ATP10D: variants seen among roughly 807,000 people sequenced by gnomAD.
ATP10D encodes phospholipid-transporting ATPase VD.
A neutral mutation model predicts 144.8 loss-of-function variants in ATP10D; 89 were observed. The ratio of observed to expected loss-of-function variants is 0.61; its 90% CI spans 0.52 to 0.73. The LOEUF (loss-of-function observed/expected upper bound fraction) is 0.73, where lower values mean the gene tolerates loss of function less well. ATP10D is among the 30% of genes least tolerant of loss of function. The probability of loss-of-function intolerance (pLI) is 0.00; values close to 1 mark genes in which losing one functional copy is unlikely to be tolerated. For missense variants in ATP10D, 1,603 were observed against 1,714.8 expected (o/e 0.93, Z 1.15); for synonymous variants, 571 against 615.1 (o/e 0.93, Z 1.06).
chr4:47,550,763 G>A (rs924828317), intron 10 of ATP10D, among the ~76,000 whole-genome samples: 1 of 152,234 alleles, frequency 6.6e-6, no homozygotes, highest in Non-Finnish European at 1.5e-5. Flanking sequence ...ACAATGGCAA[G>A]TGGCAATGGG....
chr4:47,549,304 T>G (rs1000393318), intron 10 of ATP10D, among the ~76,000 whole-genome samples: 10 of 152,224 alleles, frequency 6.6e-5, no homozygotes, highest in African/African-American at 1.9e-4. Flanking sequence ...CAGTGAAGCT[T>G]TCTCTGTCAC....
At chr4:47,572,816 C>T (rs2109464879) in intron 17 of ATP10D, 56 bp from the exon 18 acceptor site, 1 of 1,609,684 alleles carries the variant, frequency 6.2e-7, no homozygotes, top group Non-Finnish European at 8.5e-7. Context: ...TGTGCTGTGT[C>T]TGTTCTAACA....
chr4:47,530,232 T>A (rs750420224), intron 5 of ATP10D, among the ~76,000 whole-genome samples: 28 of 152,058 alleles, frequency 1.8e-4, no homozygotes, highest in Non-Finnish European at 3.8e-4. Context: ...GGAACAACGG[T>A]TATTAGGGGG....
chr4:47,527,810 A>C (rs142266168), intron 5 of ATP10D, among the ~76,000 whole-genome samples: 5 of 152,294 alleles, frequency 3.3e-5, no homozygotes, highest in Non-Finnish European at 7.4e-5. Context: ...TAGTACAACC[A>C]CTTTGGAAAA....
intron 16 of ATP10D, among the ~76,000 whole-genome samples, chr4:47,569,506 T>C (rs994649144): frequency 7.2e-5 from 11 of 152,218 alleles, no homozygotes; most frequent in African/African-American, 2.7e-4. Flanking sequence ...GAGAATTCAT[T>C]TCTTTATCCA....
At chr4:47,493,060 A>G (rs965148989) in intron 1 of ATP10D, among the ~76,000 whole-genome samples, 1 of 152,112 alleles carries the variant, frequency 6.6e-6, no homozygotes, top group Non-Finnish European at 1.5e-5. Context: ...CCTATTCATT[A>G]TTCTTTTTAT....
intron 1 of ATP10D, among the ~76,000 whole-genome samples, chr4:47,504,108 G>T (rs1362039100): frequency 6.6e-6 from 1 of 151,970 alleles, no homozygotes; most frequent in Admixed American, 6.5e-5. Context: ...CAGCAAATCT[G>T]ATTCATTCCA....
chr4:47,520,759 G>A (rs1417884745), intron 3 of ATP10D, among the ~76,000 whole-genome samples: 3 of 152,086 alleles, frequency 2.0e-5, no homozygotes, highest in African/African-American at 4.8e-5. Flanking sequence ...AGTAGAGACA[G>A]GGTTTCACCA....
intron 1 of ATP10D, among the ~76,000 whole-genome samples, chr4:47,510,731 G>T (rs1467698438): frequency 6.6e-6 from 1 of 152,178 alleles, no homozygotes; most frequent in Non-Finnish European, 1.5e-5. Flanking sequence ...GGACTCTCAA[G>T]AAATTGTATT....
intron 5 of ATP10D, among the ~76,000 whole-genome samples, chr4:47,528,499 GTGTGTGTGTGTGTGTATATATA>G (rs1358150878): frequency 3.2e-4 from 19 of 59,552 alleles, no homozygotes; most frequent in African/African-American, 1.3e-3. Context: ...GTGTGTGTGT[GTGTGTGTGTGTGTGTATATATA>G]TATATATACA....
Position 47,572,861 on chromosome 4 carries a change from T to C in ATP10D, c.3241-11T>C. The stretch of plus-strand genomic sequence containing the variant: ...ACTCAGGATGGCATTCTCTCCCCAT[T>C]GCATCTGCAGGCTGTGATGGCCAGT... On this transcript the variant is annotated splice_polypyrimidine_tract_variant and intron_variant, in intron 17 of 22. Coordinates refer to ENST00000273859, the MANE Select transcript of ATP10D (RefSeq NM_020453.4). The C allele has an allele frequency of 6.2e-7, 1 of 1,614,134 alleles. No individual in the cohort carries two copies. Among genetic ancestry groups the C allele is most frequent in the Non-Finnish European group, 8.5e-7 (1 of 1,179,996 alleles).
Position 47,587,138 on chromosome 4 carries a change from G to A in ATP10D, c.3873G>A (p.Gln1291=). Residue 1291 remains glutamine (Q), a synonymous_variant, in exon 22 of 23, where the codon CAG becomes CAA. Transcript: ENST00000273859. ...NPPSNPYWIM[Q]EHMLDPVFYL... ...CATCCAACCCTTACTGGATTATGCA[G>A]GAGCACATGCTGGATCCAGTATTCT... 3 of 1,614,082 alleles carry A rather than the reference G, an allele frequency of 1.9e-6. No homozygotes were observed. Among genetic ancestry groups the A allele is most frequent in the Admixed American group, 3.3e-5 (2 of 60,022 alleles).
chr4:47,499,051 AACT>A (rs1715548150), intron 1 of ATP10D, among the ~76,000 whole-genome samples: 1 of 152,134 alleles, frequency 6.6e-6, no homozygotes, highest in Admixed American at 6.6e-5. Flanking sequence ...TTTGAAACTT[AACT>A]GTTTATCTCT....
At chr4:47,570,948 A>G (rs746601773) in intron 16 of ATP10D, among the ~76,000 whole-genome samples, 10 of 152,300 alleles carry the variant, frequency 6.6e-5, no homozygotes, top group Non-Finnish European at 1.3e-4. Flanking sequence ...AGGACTTGGC[A>G]TATCAGCTCT....
intron 9 of ATP10D, among the ~76,000 whole-genome samples, chr4:47,546,126 A>G (rs1464036970): frequency 6.6e-6 from 1 of 152,254 alleles, no homozygotes; most frequent in Non-Finnish European, 1.5e-5. Context: ...TTCACATAAG[A>G]TAAGGATGGA....
intron 19 of ATP10D, among the ~76,000 whole-genome samples, chr4:47,577,858 C>T (rs537918767): frequency 6.6e-6 from 1 of 152,292 alleles, no homozygotes; most frequent in East Asian, 1.9e-4. Context: ...AAAGTTCAAG[C>T]CAGGATGCAA....
At chr4:47,507,747 C>A (rs1716097872) in intron 1 of ATP10D, among the ~76,000 whole-genome samples, 1 of 152,226 alleles carries the variant, frequency 6.6e-6, no homozygotes, top group African/African-American at 2.4e-5. Flanking sequence ...CTGTAACACA[C>A]TATGGCAAGT....
intron 3 of ATP10D, among the ~76,000 whole-genome samples, chr4:47,519,020 G>A (rs575936040): frequency 6.6e-6 from 1 of 152,188 alleles, no homozygotes; most frequent in South Asian, 2.1e-4. Context: ...TAAATAAGTT[G>A]ATATATGTAA....
intron 18 of ATP10D, among the ~76,000 whole-genome samples, chr4:47,573,276 C>A (rs1176190405): frequency 2.0e-5 from 3 of 152,152 alleles, no homozygotes; most frequent in Non-Finnish European, 4.4e-5. Flanking sequence ...CAGTTTTTGA[C>A]CTTCCATAAA....
Sources: gnomAD v4.1 joint callset for allele counts (sites outside exome capture counted in the v4.1 genomes callset) on GRCh38, gnomAD v4.1.1 for gene constraint, MANE v1.5 for transcripts, NCBI Gene and HGNC (gene_info 2026-07-23, HGNC 2026-07-21) for gene names.